The following PRRX1 variants were observed in gnomAD, a reference collection of about 807,000 sequenced individuals.
PRRX1 encodes paired related homeobox 1, also known as paired mesoderm homeobox protein 1.
A neutral mutation model predicts 24.0 loss-of-function variants in PRRX1; 8 were observed. The ratio of observed to expected loss-of-function variants is 0.33; its 90% CI spans 0.20 to 0.60. PRRX1 has a LOEUF of 0.60. Among genes scored for constraint, PRRX1 ranks in the 20% least tolerant of loss-of-function variants. The pLI is 0.82. For missense variants in PRRX1, 281 were observed against 322.4 expected, an observed-to-expected ratio of 0.87 and a Z score of 0.98; for synonymous variants, 160 against 131.7, an observed-to-expected ratio of 1.22 and a Z score of -1.47.
intron 1 of PRRX1, among the ~76,000 whole-genome samples, chr1:170,677,644 T>C (rs1655020707): frequency 6.6e-6 from 1 of 152,224 alleles, no homozygotes; most frequent in Non-Finnish European, 1.5e-5. Context: ...CTATCTACAA[T>C]TAGAAACTGA....
At chr1:170,689,879 G>C (rs1234277) in intron 1 of PRRX1, among the ~76,000 whole-genome samples, 52,928 of 136,500 alleles carry the variant, frequency 0.39, 9,837 homozygotes, top group Middle Eastern at 0.54. Context: ...TCTCTCTGTG[G>C]GTGTGTGTGT....
intron 3 of PRRX1, 78 bp downstream of exon 3, chr1:170,726,479 C>G: frequency 6.7e-7 from 1 of 1,502,308 alleles, no homozygotes; most frequent in Non-Finnish European, 9.2e-7. Context: ...GCTGCTTGTG[C>G]AGCTCACCGA....
rs1183304746 is a variant in PRRX1, at chr1:170,736,355, A to G, written c.*169A>G. Reference sequence around the variant, plus strand: ...CAGAGAAAAGCAGGAGAGGAGCAAAATGAAAATTAGTTAACAAATGTTCCT... The same window carrying G: ...CAGAGAAAAGCAGGAGAGGAGCAAAGTGAAAATTAGTTAACAAATGTTCCT... On this transcript the variant is annotated 3_prime_UTR_variant, in exon 4 of 4. Coordinates refer to ENST00000239461, the MANE Select transcript of PRRX1 (RefSeq NM_022716.4). 1.1e-6 allele frequency: 1 copy of G among 890,348 alleles called. No individual in the cohort carries two copies. The highest frequency in any genetic ancestry group is 1.7e-5 in the African/African-American group (1 of 58,608). 55.2% of individuals were successfully genotyped at this position (890,348 alleles called of 1,614,324 possible). A position where few individuals can be genotyped will look rare whatever the true frequency, so the allele number is the denominator to read the frequency against.
chr1:170,686,292 C>G (rs1346973748), intron 1 of PRRX1, among the ~76,000 whole-genome samples: 1 of 151,560 alleles, frequency 6.6e-6, no homozygotes, highest in South Asian at 2.1e-4. Context: ...GGACTAAAAA[C>G]CTAAGAGGGC....
intron 1 of PRRX1, among the ~76,000 whole-genome samples, chr1:170,719,302 T>A (rs547229558): frequency 4.6e-5 from 7 of 152,358 alleles, no homozygotes; most frequent in Admixed American, 6.5e-5. Context: ...AACCAGGAGA[T>A]AATTGGTCTA....
intron 1 of PRRX1, among the ~76,000 whole-genome samples, chr1:170,716,239 T>G (rs1654903130): frequency 6.6e-6 from 1 of 152,180 alleles, no homozygotes; most frequent in Admixed American, 6.5e-5. Context: ...TCAAAAAAAT[T>G]ATAAAATCCA....
intron 1 of PRRX1, among the ~76,000 whole-genome samples, chr1:170,690,303 G>A (rs1186506455): frequency 6.6e-6 from 1 of 152,048 alleles, no homozygotes; most frequent in East Asian, 1.9e-4. Context: ...ATGGAGTCAG[G>A]ATCAAGGCAG....
rs764253513 is a variant in PRRX1, at chr1:170,719,796, C to T, written c.312C>T (p.Ser104=). 6.2e-7 allele frequency: 1 copy of T among 1,614,208 alleles called. No individual in the cohort carries two copies. The highest frequency in any genetic ancestry group is 8.5e-7 in the Non-Finnish European group (1 of 1,180,034). The change falls in exon 2 of 4, where the codon AGC becomes AGT. Residue 104 remains serine, a synonymous_variant. Transcript: ENST00000239461. ...GGAATAGGACAACCTTCAATAGCAG[C>T]CAGCTGCAGGCTTTGGAGCGTGTCT... ...QRRNRTTFNS[S]QLQALERVFE... is the part of the protein sequence containing the mutation.
intron 1 of PRRX1, among the ~76,000 whole-genome samples, chr1:170,669,750 G>A (rs1282377403): frequency 2.0e-5 from 3 of 151,980 alleles, no homozygotes; most frequent in Admixed American, 1.3e-4. Flanking sequence ...GTCTGTACGT[G>A]CCTGTGCCTG....
At chr1:170,677,105 T>C (rs1436717396) in intron 1 of PRRX1, among the ~76,000 whole-genome samples, 1 of 152,214 alleles carries the variant, frequency 6.6e-6, no homozygotes, top group Non-Finnish European at 1.5e-5. Flanking sequence ...TACAGCAAGG[T>C]CTCAAAATGT....
chr1:170,695,045 C>T (rs1435045770), intron 1 of PRRX1, among the ~76,000 whole-genome samples: 1 of 152,094 alleles, frequency 6.6e-6, no homozygotes, highest in Non-Finnish European at 1.5e-5. Context: ...AAGACTTGCA[C>T]TGGAAGAGTC....
intron 1 of PRRX1, among the ~76,000 whole-genome samples, chr1:170,700,756 C>T (rs780809090): frequency 3.0e-4 from 45 of 152,262 alleles, no homozygotes; most frequent in Middle Eastern, 3.4e-3. Flanking sequence ...CTGCTGAAAA[C>T]CCGTTACTGA....
chr1:170,679,807 T>C (rs768073414), intron 1 of PRRX1, among the ~76,000 whole-genome samples: 1 of 152,228 alleles, frequency 6.6e-6, no homozygotes, highest in Non-Finnish European at 1.5e-5. Flanking sequence ...CCATGGATGA[T>C]GTTTGCAATT....
rs1160321873 is a variant in PRRX1 at position 170,737,382 on chromosome 1, G to T, written c.*1196G>T. ...AGAACAGGTCCCATTTTCACATTAG[G>T]GCTTTAAATGAATTAGAAACTATTT... On this transcript the variant is annotated 3_prime_UTR_variant, in exon 4 of 4. Coordinates refer to ENST00000239461, the MANE Select transcript of PRRX1 (RefSeq NM_022716.4). 1 of 192,428 alleles carries T rather than the reference G, an allele frequency of 5.2e-6. No individual in the cohort carries two copies. Among genetic ancestry groups the T allele is most frequent in the Non-Finnish European group, 1.1e-5 (1 of 92,258 alleles). 11.9% of individuals were successfully genotyped at this position (192,428 alleles called of 1,614,324 possible). A position where few individuals can be genotyped will look rare whatever the true frequency, so the allele number is the denominator to read the frequency against.
intron 3 of PRRX1, among the ~76,000 whole-genome samples, chr1:170,731,583 A>G (rs1021237313): frequency 6.6e-6 from 1 of 152,352 alleles, no homozygotes; most frequent in South Asian, 2.1e-4. Context: ...TCGTAGTACG[A>G]ATAGTATTTT....
At chr1:170,666,762 T>G (rs1179244836) in intron 1 of PRRX1, among the ~76,000 whole-genome samples, 2 of 151,604 alleles carry the variant, frequency 1.3e-5, no homozygotes, top group East Asian at 2.0e-4. Flanking sequence ...GGGATGAAAA[T>G]TGTACCGGTT....
At position 170,664,143 on chromosome 1, in the gene PRRX1, T is replaced by G. The variant is rs1326362972; in HGVS notation, c.-76T>G. On this transcript the variant is annotated 5_prime_UTR_variant, in exon 1 of 4. Transcript: ENST00000239461. Reference sequence around the variant, plus strand: ...CTCTTTCTTCCCCACTCGGCTCCTCTCCCCCCTCGCGCCCACAGCGTTTGG... The same window carrying G: ...CTCTTTCTTCCCCACTCGGCTCCTCGCCCCCCTCGCGCCCACAGCGTTTGG... 2.1e-6 allele frequency: 3 copies of G among 1,452,734 alleles called. No homozygotes were observed. The highest frequency in any genetic ancestry group is 3.1e-5 in the African/African-American group (2 of 65,246). The allele number at this position is 1,452,734 out of a possible 1,614,324, so 90.0% of individuals were successfully genotyped here. A position where few individuals can be genotyped will look rare whatever the true frequency, so the allele number is the denominator to read the frequency against.
At chr1:170,724,214 A>G (rs1655178651) in intron 2 of PRRX1, among the ~76,000 whole-genome samples, 1 of 152,216 alleles carries the variant, frequency 6.6e-6, no homozygotes, top group African/African-American at 2.4e-5. Flanking sequence ...ATAGATTACA[A>G]AAATCTTCTC....
At chr1:170,666,564 A>G (rs916443059) in intron 1 of PRRX1, among the ~76,000 whole-genome samples, 1 of 151,600 alleles carries the variant, frequency 6.6e-6, no homozygotes, top group African/African-American at 2.4e-5. Flanking sequence ...TAGAGGCTGG[A>G]CCCACAACAG....
Sources: gnomAD v4.1 joint callset for allele counts (sites outside exome capture counted in the v4.1 genomes callset) on GRCh38, gnomAD v4.1.1 for gene constraint, MANE v1.5 for transcripts, NCBI Gene and HGNC (gene_info 2026-07-23, HGNC 2026-07-21) for gene names.